Variants in ERG observed in about 807,000 individuals in gnomAD.
ERG encodes the protein ETS transcription factor ERG.
Under a neutral mutation model 55.3 loss-of-function variants are expected in ERG, and 9 were observed. The ratio of observed to expected loss-of-function variants is 0.16; its 90% CI spans 0.10 to 0.28. The LOEUF is 0.28. ERG is among the 10% of genes least tolerant of loss of function. The pLI, the probability that ERG is intolerant of heterozygous loss-of-function variation, is 1.00. For synonymous variants in ERG, 223 were observed against 237.3 expected, an observed-to-expected ratio of 0.94 and a Z score of 0.55; for missense variants, 434 against 631.6, an observed-to-expected ratio of 0.69 and a Z score of 3.35.
At chr21:38,400,489 T>G in intron 6 of ERG, 85 bp downstream of exon 6, 1 of 1,055,452 alleles carries the variant, frequency 9.5e-7, no homozygotes, top group Non-Finnish European at 1.5e-6. Flanking sequence ...CAGCTCTCTT[T>G]GTATCACGTG....
chr21:38,381,353 T>C lies in ERG; in HGVS notation c.*2050A>G. The C allele has an allele frequency of 1.9e-6, 2 of 1,063,894 alleles. No individual in the cohort carries two copies. Among genetic ancestry groups the C allele is most frequent in the Non-Finnish European group, 2.3e-6 (2 of 878,466 alleles). 65.9% of individuals were successfully genotyped at this position (1,063,894 alleles called of 1,614,324 possible). ...TTCACCTGGACCAAGGTTGGCAGCA[T>C]TTGTGATTCAAAGAAAAGATGCCCA... On this transcript the variant is annotated 3_prime_UTR_variant, in exon 10 of 10. Transcript: ENST00000288319.
rs544162012 is a variant in ERG, at chr21:38,580,907, C to G, written c.-127+3937G>C. The stretch of plus-strand genomic sequence containing the variant: ...GATGGAAGTTTGAGACCCCTCGACC[C>G]TACCCCTCCTCTCTTCTCAAACCCA... On this transcript the variant is annotated intron_variant, in intron 1 of 8. Transcript: ENST00000398897. Among the ~76,000 whole-genome samples, 116 of 152,328 alleles carry G rather than the reference C, an allele frequency of 7.6e-4. 1 individual carries two copies. Among genetic ancestry groups the G allele is most frequent in the African/African-American group, 2.4e-3 (101 of 41,580 alleles).
intron 1 of ERG, among the ~76,000 whole-genome samples, chr21:38,629,654 G>A (rs986882305): frequency 3.3e-5 from 5 of 152,124 alleles, no homozygotes; most frequent in East Asian, 1.9e-4. Flanking sequence ...CCATGCTGGT[G>A]GGAGCATGAA....
intron 2 of ERG, among the ~76,000 whole-genome samples, chr21:38,435,492 T>C (rs553953600): frequency 3.6e-4 from 55 of 152,314 alleles, no homozygotes; most frequent in Non-Finnish European, 6.8e-4. Context: ...ATGTTTGTCT[T>C]CACAGCTGTG....
At chr21:38,446,322 T>C (rs1480585898) in intron 1 of ERG, among the ~76,000 whole-genome samples, 1 of 152,234 alleles carries the variant, frequency 6.6e-6, no homozygotes, top group East Asian at 1.9e-4. Context: ...ACAAGCTCTT[T>C]TTTCCCCTTA....
intron 1 of ERG, among the ~76,000 whole-genome samples, chr21:38,598,264 C>T (rs2060143766): frequency 6.6e-6 from 1 of 152,218 alleles, no homozygotes; most frequent in Admixed American, 6.5e-5. Flanking sequence ...ATCGCTGAGG[C>T]ATTCCTGGGC....
chr21:38,625,450 G>A (rs540491328), intron 1 of ERG, among the ~76,000 whole-genome samples: 1 of 152,198 alleles, frequency 6.6e-6, no homozygotes, highest in Middle Eastern at 3.4e-3. Context: ...AAGAATCCTT[G>A]ATCTTTAAAA....
intron 1 of ERG, among the ~76,000 whole-genome samples, chr21:38,646,205 C>T (rs748255502): frequency 1.2e-4 from 18 of 149,494 alleles, no homozygotes; most frequent in Admixed American, 2.0e-4. Flanking sequence ...TGCTTGAACC[C>T]GGAAGATGGA....
intron 1 of ERG, among the ~76,000 whole-genome samples, chr21:38,485,554 G>A (rs1234471792): frequency 6.7e-6 from 1 of 148,764 alleles, no homozygotes; most frequent in African/African-American, 2.5e-5. Context: ...CCAACTCCCT[G>A]GTTCAAGGGA....
intron 1 of ERG, among the ~76,000 whole-genome samples, chr21:38,579,580 G>A (rs185071427): frequency 7.3e-4 from 111 of 152,280 alleles, no homozygotes; most frequent in Non-Finnish European, 1.5e-3. Flanking sequence ...GAAAGAGGGT[G>A]AAAGGCATGA....
intron 2 of ERG, among the ~76,000 whole-genome samples, chr21:38,568,484 A>G (rs1048569265): frequency 1.3e-5 from 2 of 152,198 alleles, no homozygotes; most frequent in Non-Finnish European, 2.9e-5. Flanking sequence ...CACTGAGATC[A>G]TCTGGCCCCA....
intron 3 of ERG, among the ~76,000 whole-genome samples, chr21:38,416,606 C>G (rs1453439836): frequency 6.6e-6 from 1 of 152,182 alleles, no homozygotes; most frequent in African/African-American, 2.4e-5. Context: ...TGGGTATAAG[C>G]CCATCAGTAG....
chr21:38,564,173 C>A (rs1003464655), intron 2 of ERG, among the ~76,000 whole-genome samples: 3 of 151,910 alleles, frequency 2.0e-5, no homozygotes, highest in South Asian at 4.2e-4. Context: ...ATGCCACAAG[C>A]CTTATCTCCT....
intron 1 of ERG, among the ~76,000 whole-genome samples, chr21:38,658,438 C>G (rs1197460318): frequency 6.6e-6 from 1 of 152,134 alleles, no homozygotes; most frequent in Admixed American, 6.5e-5. Context: ...ATCCTATGAC[C>G]GGGACTGACT....
At chr21:38,527,355 G>A (rs1351709253) in intron 2 of ERG, among the ~76,000 whole-genome samples, 1 of 152,164 alleles carries the variant, frequency 6.6e-6, no homozygotes, top group African/African-American at 2.4e-5. Flanking sequence ...CTGGACCTGT[G>A]GAATCAGAAT....
At chr21:38,650,479 T>C (rs954716540) in intron 1 of ERG, among the ~76,000 whole-genome samples, 6 of 151,826 alleles carry the variant, frequency 4.0e-5, no homozygotes, top group Admixed American at 3.3e-4. Context: ...CTACTAACAA[T>C]ACAAAAAATT....
At chr21:38,626,930 T>C (rs2060328051) in intron 1 of ERG, among the ~76,000 whole-genome samples, 1 of 152,142 alleles carries the variant, frequency 6.6e-6, no homozygotes, top group Non-Finnish European at 1.5e-5. Context: ...ATCCCTCATA[T>C]ACAAATTTTT....
Position 38,573,592 on chromosome 21 carries a change from A to C in ERG, c.-41+2070T>G, listed in dbSNP as rs900862910. Reference sequence around the variant, plus strand: ...AGGCATAGTACCTTCCCTTGAACTTAATTATGACATAGATTCTTTTGCTCA... The same window carrying C: ...AGGCATAGTACCTTCCCTTGAACTTCATTATGACATAGATTCTTTTGCTCA... On this transcript the variant is annotated intron_variant, in intron 2 of 8. Coordinates refer to the ERG transcript ENST00000398897. 6.8e-4 allele frequency among the ~76,000 whole-genome samples: 103 copies of C among 152,280 alleles called. 1 individual carries two copies. Among genetic ancestry groups the C allele is most frequent in the Middle Eastern group, 3.4e-3 (1 of 294 alleles).
chr21:38,447,561 G>T (rs1369314287), intron 1 of ERG, among the ~76,000 whole-genome samples: 1 of 150,338 alleles, frequency 6.7e-6, no homozygotes, highest in Non-Finnish European at 1.5e-5. Context: ...GAAATTCATG[G>T]CTTTCTCTTC....
Sources: gnomAD v4.1 joint callset for allele counts (sites outside exome capture counted in the v4.1 genomes callset) on GRCh38, gnomAD v4.1.1 for gene constraint, MANE v1.5 for transcripts, NCBI Gene and HGNC (gene_info 2026-07-23, HGNC 2026-07-21) for gene names.